The following LURAP1L variants were observed in gnomAD, a reference collection of about 807,000 sequenced individuals.
The protein encoded by LURAP1L is leucine rich adaptor protein 1-like.
In LURAP1L, 12 loss-of-function variants were observed where a neutral mutation model predicts 13.8. That is an observed-to-expected ratio of 0.87 (90% confidence interval 0.56 to 1.41). The LOEUF (loss-of-function observed/expected upper bound fraction) is 1.41, where lower values mean the gene tolerates loss of function less well. Ranked by LOEUF, LURAP1L falls within the 40% of genes most tolerant of loss-of-function variation. The probability of loss-of-function intolerance (pLI) is 0.00; values close to 1 mark genes in which losing one functional copy is unlikely to be tolerated. For missense variants in LURAP1L, 375 were observed against 292.9 expected, an observed-to-expected ratio of 1.28 and a Z score of -2.04; for synonymous variants, 139 against 119.2, an observed-to-expected ratio of 1.17 and a Z score of -1.08.
At chr9:12,815,253 G>A (rs963598683) in intron 1 of LURAP1L, among the ~76,000 whole-genome samples, 7 of 152,140 alleles carry the variant, frequency 4.6e-5, no homozygotes, top group African/African-American at 1.4e-4. Context: ...AACACAAGGA[G>A]CTTATGCAAA....
At chr9:12,787,880 G>A (rs1819379510) in intron 1 of LURAP1L, among the ~76,000 whole-genome samples, 1 of 152,000 alleles carries the variant, frequency 6.6e-6, no homozygotes, top group South Asian at 2.1e-4. Flanking sequence ...TGGGGGTTGA[G>A]GCAGGTAGAT....
chr9:12,821,323 G>A, intron 1 of LURAP1L, 63 bp from the exon 2 acceptor site: 1 of 1,527,748 alleles, frequency 6.5e-7, no homozygotes, highest in Non-Finnish European at 8.8e-7. Context: ...GTCCCCAGAT[G>A]AATTTGAGGC....
intron 1 of LURAP1L, among the ~76,000 whole-genome samples, chr9:12,792,799 C>G (rs1308897408): frequency 1.3e-5 from 2 of 151,966 alleles, no homozygotes; most frequent in Non-Finnish European, 1.5e-5. Context: ...GGAATCCTGA[C>G]CCTGACAACC....
intron 1 of LURAP1L, among the ~76,000 whole-genome samples, chr9:12,819,192 T>C (rs1220511654): frequency 6.6e-6 from 1 of 152,200 alleles, no homozygotes. Context: ...GTAATTTTCT[T>C]TGTTACTTCC....
At position 12,775,811 on chromosome 9, in the gene LURAP1L, G is replaced by C. The variant is rs1819165133; in HGVS notation, c.96G>C (p.Glu32Asp). Reference sequence around the variant, plus strand: ...TAGTGCGCTCTCTCCGTGGGGAGGAGCCGGTTCCCAGGGAAAGGGACAGGG... The same window carrying C: ...TAGTGCGCTCTCTCCGTGGGGAGGACCCGGTTCCCAGGGAAAGGGACAGGG... ...ESLVRSLRGE[E>D]PVPRERDRDP... is the part of the protein sequence containing the mutation. Residue 32 changes from glutamate to aspartate, a missense_variant, in exon 1 of 2, where the codon GAG (glutamate) becomes GAC (aspartate). Glu to Asp is a conservative substitution (Grantham distance 45). Coordinates refer to ENST00000319264, the MANE Select transcript of LURAP1L (RefSeq NM_203403.2). 2 of 1,606,930 alleles carry C rather than the reference G, an allele frequency of 1.2e-6. No homozygotes were observed. Among genetic ancestry groups the C allele is most frequent in the Admixed American group, 3.5e-5 (2 of 57,650 alleles).
chr9:12,797,459 A>C (rs1246641085), intron 1 of LURAP1L, among the ~76,000 whole-genome samples: 1 of 152,164 alleles, frequency 6.6e-6, no homozygotes, highest in African/African-American at 2.4e-5. Context: ...TAGACACTGG[A>C]GAAGAAAAAA....
chr9:12,781,002 G>C (rs185397053), intron 1 of LURAP1L, among the ~76,000 whole-genome samples: 1 of 151,902 alleles, frequency 6.6e-6, no homozygotes, highest in East Asian at 1.9e-4. Context: ...ATGGAGTTTC[G>C]CTCTTGTTGC....
At chr9:12,789,857 A>G (rs1819415447) in intron 1 of LURAP1L, among the ~76,000 whole-genome samples, 1 of 152,214 alleles carries the variant, frequency 6.6e-6, no homozygotes, top group Admixed American at 6.5e-5. Context: ...TTAAGACTAC[A>G]GATAAAGCCC....
At chr9:12,782,095 A>G (rs888353912) in intron 1 of LURAP1L, among the ~76,000 whole-genome samples, 15 of 152,104 alleles carry the variant, frequency 9.9e-5, no homozygotes, top group African/African-American at 3.1e-4. Context: ...CTATTTTTTA[A>G]TCAGATTATT....
At chr9:12,785,040 T>C (rs1819330209) in intron 1 of LURAP1L, among the ~76,000 whole-genome samples, 1 of 151,752 alleles carries the variant, frequency 6.6e-6, no homozygotes, top group South Asian at 2.1e-4. Flanking sequence ...ACCACTGATG[T>C]TTACTCAAGG....
At chr9:12,791,621 A>T (rs1819441768) in intron 1 of LURAP1L, among the ~76,000 whole-genome samples, 2 of 151,178 alleles carry the variant, frequency 1.3e-5, no homozygotes, top group Admixed American at 6.6e-5. Context: ...TTTTATATTG[A>T]CCTTTCTCAT....
chr9:12,781,969 T>C (rs1479769446), intron 1 of LURAP1L, among the ~76,000 whole-genome samples: 2 of 152,250 alleles, frequency 1.3e-5, no homozygotes, highest in East Asian at 3.8e-4. Context: ...GGTGAGATAA[T>C]ATTTCATTGT....
chr9:12,787,290 T>C (rs974862572), intron 1 of LURAP1L, among the ~76,000 whole-genome samples: 12 of 152,254 alleles, frequency 7.9e-5, no homozygotes, highest in African/African-American at 2.9e-4. Flanking sequence ...AATTTTAAAA[T>C]TGAAATTCTG....
chr9:12,792,120 T>A (rs554606495), intron 1 of LURAP1L, among the ~76,000 whole-genome samples: 1 of 152,278 alleles, frequency 6.6e-6, no homozygotes, highest in East Asian at 1.9e-4. Context: ...CAAATCATCT[T>A]TTCAGCCAGA....
chr9:12,793,203 A>G (rs1819467635), intron 1 of LURAP1L, among the ~76,000 whole-genome samples: 5 of 152,030 alleles, frequency 3.3e-5, no homozygotes, highest in Admixed American at 3.3e-4. Context: ...AGCCTGAGAA[A>G]TTATAAAATA....
At chr9:12,820,598 G>A (rs937186235) in intron 1 of LURAP1L, among the ~76,000 whole-genome samples, 2 of 146,312 alleles carry the variant, frequency 1.4e-5, no homozygotes, top group African/African-American at 2.5e-5. Flanking sequence ...ACTTTTGATT[G>A]GGGTGCCCCT....
At chr9:12,790,662 A>G (rs1348792578) in intron 1 of LURAP1L, 1 of 152,126 alleles carries the variant, frequency 6.6e-6, no homozygotes, top group African/African-American at 2.4e-5. Context: ...TGGTTGCAGG[A>G]CCTGCTCTTT....
intron 1 of LURAP1L, among the ~76,000 whole-genome samples, chr9:12,788,662 G>T (rs1819396992): frequency 6.6e-6 from 1 of 151,902 alleles, no homozygotes; most frequent in Admixed American, 6.6e-5. Context: ...CAGAGAGAAT[G>T]GTTATTATGG....
chr9:12,786,964 G>A lies in LURAP1L; in HGVS notation c.312+10937G>A, dbSNP rs76826285. On this transcript the variant is annotated intron_variant, in intron 1 of 1. Coordinates refer to ENST00000319264, the MANE Select transcript of LURAP1L (RefSeq NM_203403.2). ...TTTCAGATTTTTCTCTATTTTTGGT[G>A]AGCAGAATAAAGTTGTTATGTTTAT... 7.4e-4 allele frequency among the ~76,000 whole-genome samples: 113 copies of A among 152,116 alleles called. 2 individuals are homozygous for A. The East Asian group carries it at 0.016, about 22-fold the overall frequency.
Sources: allele counts gnomAD v4.1 joint callset (sites outside exome capture counted in the v4.1 genomes callset), GRCh38; gene constraint gnomAD v4.1.1; transcripts MANE v1.5; gene names NCBI Gene and HGNC (gene_info 2026-07-23, HGNC 2026-07-21).